Variants in FBXO34 observed in about 807,000 individuals in gnomAD.
FBXO34 encodes the protein F-box protein 34, also known as F-box only protein 34.
A neutral mutation model predicts 24.5 loss-of-function variants in FBXO34; 12 were observed. The observed-to-expected ratio is 0.49, with a 90% CI of 0.31 to 0.79. The LOEUF (loss-of-function observed/expected upper bound fraction) is 0.79, where lower values mean the gene tolerates loss of function less well. FBXO34 is among the 30% of genes least tolerant of loss of function. The pLI is 0.04. For missense variants in FBXO34, 823 were observed against 857.7 expected (o/e 0.96, Z 0.51); for synonymous variants, 320 against 311.9 (o/e 1.03, Z -0.27).
chr14:55,401,878 A>G, the FBXO34 span, among the ~76,000 whole-genome samples: 4 of 152,236 alleles, frequency 2.6e-5, no homozygotes, highest in Non-Finnish European at 5.9e-5. Context: ...AAGGAAGGGT[A>G]TGGAGGCAGA....
At chr14:55,304,313 G>A (rs766476538) in intron 1 of FBXO34, among the ~76,000 whole-genome samples, 1 of 151,876 alleles carries the variant, frequency 6.6e-6, no homozygotes, top group African/African-American at 2.4e-5. Context: ...ACACCATCAT[G>A]GTTATTCTCA....
intron 1 of FBXO34, among the ~76,000 whole-genome samples, chr14:55,302,458 T>TG (rs1225978096): frequency 1.3e-5 from 2 of 150,664 alleles, no homozygotes; most frequent in Non-Finnish European, 3.0e-5. Flanking sequence ...TTTTTGTTTT[T>TG]TTTTTTTTTT....
chr14:55,380,803 GCTTC>G, the FBXO34 span: 3 of 516,486 alleles, frequency 5.8e-6, no homozygotes, highest in African/African-American at 2.1e-5. Flanking sequence ...ACGTTTTAGT[GCTTC>G]CTTAATAGAT....
At chr14:55,410,865 G>A in the FBXO34 span, among the ~76,000 whole-genome samples, 1 of 152,276 alleles carries the variant, frequency 6.6e-6, no homozygotes, top group African/African-American at 2.4e-5. Flanking sequence ...TTGAGAGTGG[G>A]AGATCCTGCA....
chr14:55,294,712 AC>A (rs2139686601), intron 1 of FBXO34, among the ~76,000 whole-genome samples: 1 of 152,320 alleles, frequency 6.6e-6, no homozygotes, highest in East Asian at 1.9e-4. Context: ...CCATAATTAC[AC>A]CGGGGCAAAC....
the FBXO34 span, chr14:55,414,090 G>A: frequency 1.1e-5 from 6 of 560,562 alleles, no homozygotes; most frequent in South Asian, 4.3e-5. Context: ...TGGCCCTTCC[G>A]GCTAAAAGGA....
chr14:55,312,100 T>C (rs1357007669), intron 1 of FBXO34, among the ~76,000 whole-genome samples: 1 of 151,870 alleles, frequency 6.6e-6, no homozygotes, highest in Non-Finnish European at 1.5e-5. Context: ...CTTGGGAGGC[T>C]GAGTCAGGAG....
At chr14:55,424,404 G>A in the FBXO34 span, 10 of 551,386 alleles carry the variant, frequency 1.8e-5, no homozygotes, top group Non-Finnish European at 2.9e-5. Context: ...TTGATGAAGA[G>A]TCTTGAGTGT....
intron 1 of FBXO34, among the ~76,000 whole-genome samples, chr14:55,338,821 G>A (rs1249933398): frequency 1.3e-5 from 2 of 151,940 alleles, no homozygotes; most frequent in Non-Finnish European, 2.9e-5. Context: ...CAGGAGAATG[G>A]CGTGAATCTG....
chr14:55,407,686 A>G, the FBXO34 span, among the ~76,000 whole-genome samples: 283 of 152,354 alleles, frequency 1.9e-3, no homozygotes, highest in Non-Finnish European at 3.2e-3. Context: ...TCATGCCTTC[A>G]TGAAACTACA....
At chr14:55,369,389 A>C, downstream of FBXO34, 1 of 369,930 alleles carries the variant, frequency 2.7e-6, no homozygotes, top group Non-Finnish European at 4.8e-6. Context: ...TGGTCTGGGT[A>C]GAAAGACCTT....
the FBXO34 span, among the ~76,000 whole-genome samples, chr14:55,398,011 G>A: frequency 1.4e-5 from 2 of 144,836 alleles, no homozygotes; most frequent in African/African-American, 2.6e-5. Context: ...GTAGTGGTGC[G>A]ATCTTGGCTC....
the FBXO34 span, among the ~76,000 whole-genome samples, chr14:55,405,816 T>C: frequency 4.4e-4 from 67 of 152,070 alleles, 1 homozygote; most frequent in African/African-American, 1.6e-3. Context: ...AAGCATACAG[T>C]TTAAAAGGCA....
chr14:55,315,841 A>G (rs1264509998), intron 1 of FBXO34, among the ~76,000 whole-genome samples: 1 of 152,148 alleles, frequency 6.6e-6, no homozygotes, highest in Non-Finnish European at 1.5e-5. Context: ...TACTTGAGGA[A>G]TCCTTTCCAT....
the FBXO34 span, among the ~76,000 whole-genome samples, chr14:55,435,669 A>C: frequency 1.3e-5 from 2 of 152,238 alleles, no homozygotes; most frequent in African/African-American, 4.8e-5. Flanking sequence ...TTTATTCAGC[A>C]TAAAGAATGA....
the FBXO34 span, among the ~76,000 whole-genome samples, chr14:55,432,747 C>T: frequency 6.6e-6 from 1 of 152,194 alleles, no homozygotes; most frequent in Non-Finnish European, 1.5e-5. Context: ...ATTGGCACAA[C>T]TTTTCAGGAG....
At chr14:55,274,343 A>G (rs1566535816) in intron 1 of FBXO34, among the ~76,000 whole-genome samples, 1 of 152,192 alleles carries the variant, frequency 6.6e-6, no homozygotes, top group Non-Finnish European at 1.5e-5. Flanking sequence ...CCAGCTTGTG[A>G]GTGTTGTGTA....
chr14:55,435,759 CAG>C, the FBXO34 span: 2 of 971,510 alleles, frequency 2.1e-6, no homozygotes, highest in East Asian at 5.9e-5. Flanking sequence ...TAAGAAAAAA[CAG>C]AGGAATTAGT....
At chr14:55,365,296 TCAAA>T (rs1485271012), downstream of FBXO34, among the ~76,000 whole-genome samples, 9 of 150,962 alleles carry the variant, frequency 6.0e-5, no homozygotes, top group East Asian at 1.6e-3. Context: ...ACTTCTGAGC[TCAAA>T]CAATCCTCCT....
Sources: allele counts gnomAD v4.1 joint callset (sites outside exome capture counted in the v4.1 genomes callset), GRCh38; gene constraint gnomAD v4.1.1; transcripts MANE v1.5; gene names NCBI Gene and HGNC (gene_info 2026-07-23, HGNC 2026-07-21).